POLR2B: variants seen among roughly 807,000 people sequenced by gnomAD.
The protein encoded by POLR2B is RNA polymerase II subunit B, also known as DNA-directed RNA polymerase II subunit RPB2.
In POLR2B, 57 loss-of-function variants were observed where a neutral mutation model predicts 144.6. The observed-to-expected ratio is 0.39, with a 90% CI of 0.32 to 0.49. The LOEUF (loss-of-function observed/expected upper bound fraction) is 0.49. Ranked by LOEUF, POLR2B falls within the 20% of genes least tolerant of loss-of-function variation. The pLI is 0.83. For synonymous variants in POLR2B, 442 were observed against 469.8 expected, an observed-to-expected ratio of 0.94 and a Z score of 0.77; for missense variants, 595 against 1,467.4, an observed-to-expected ratio of 0.41 and a Z score of 9.71.
At chr4:57,012,630 C>A (rs971132865) in intron 13 of POLR2B, among the ~76,000 whole-genome samples, 1 of 151,594 alleles carries the variant, frequency 6.6e-6, no homozygotes, top group African/African-American at 2.4e-5. Flanking sequence ...TTGTTCTGGG[C>A]CTTTTCCAGC....
At chr4:56,998,100 G>C (rs1267611525) in intron 6 of POLR2B, among the ~76,000 whole-genome samples, 9 of 152,196 alleles carry the variant, frequency 5.9e-5, no homozygotes, top group African/African-American at 2.2e-4. Context: ...ACTATGATTT[G>C]TATTCTGAGG....
chr4:56,994,396 A>T lies in POLR2B; in HGVS notation c.244-8A>T, dbSNP rs753344876. On this transcript the variant is annotated splice_polypyrimidine_tract_variant and splice_region_variant and intron_variant, in intron 3 of 24. Coordinates refer to ENST00000314595, the MANE Select transcript of POLR2B (RefSeq NM_000938.3). ...TTACCCTTTTCATGTTTTTTTGTTT[A>T]ATTTCAGCCACGATATTTGCTGAAG... 2.1e-6 allele frequency: 3 copies of T among 1,459,426 alleles called. No homozygotes were observed. Among genetic ancestry groups the T allele is most frequent in the Non-Finnish European group, 1.9e-6 (2 of 1,051,382 alleles). 90.4% of individuals were successfully genotyped at this position (1,459,426 alleles called of 1,614,324 possible).
Position 56,995,347 on chromosome 4 carries a change from C to CGCAGTATCA in POLR2B, c.673_674insGCAGTATCA (p.Leu225delinsArgSerIleIle). 6.3e-7 allele frequency: 1 copy of CGCAGTATCA among 1,583,466 alleles called. No homozygotes were observed. The highest frequency in any genetic ancestry group is 8.6e-7 in the Non-Finnish European group (1 of 1,164,324). ...CTACACAGGAGAGTGTAGATCATGTCTTGAGAATTCTTCCCGACCCACCAG... is the reference window on the plus strand; with the variant it reads ...CTACACAGGAGAGTGTAGATCATGTCGCAGTATCATTGAGAATTCTTCCCGACCCACCAG... On this transcript the variant is annotated protein_altering_variant, in exon 6 of 25. Transcript: ENST00000314595.
chr4:56,994,916 T>C, intron 5 of POLR2B, 50 bp downstream of exon 5: 1 of 1,115,228 alleles, frequency 9.0e-7, no homozygotes, highest in Non-Finnish European at 1.3e-6. Context: ...TAAAATTTAG[T>C]TTAAAGTTGA....
intron 6 of POLR2B, among the ~76,000 whole-genome samples, chr4:56,996,028 C>A (rs1283593185): frequency 6.6e-6 from 1 of 152,112 alleles, no homozygotes; most frequent in Non-Finnish European, 1.5e-5. Context: ...AGGCAGGAAT[C>A]ATTGGGTACC....
intron 1 of POLR2B, among the ~76,000 whole-genome samples, chr4:56,979,261 C>A (rs1401605385): frequency 6.6e-6 from 1 of 152,136 alleles, no homozygotes; most frequent in African/African-American, 2.4e-5. Flanking sequence ...ATCCTCGTTT[C>A]CTGTGGTGAA....
At chr4:57,004,579 C>A (rs1392013301) in intron 7 of POLR2B, among the ~76,000 whole-genome samples, 3 of 152,064 alleles carry the variant, frequency 2.0e-5, no homozygotes, top group Non-Finnish European at 4.4e-5. Flanking sequence ...GGCACATTAA[C>A]CATTTGTAGT....
At chr4:56,987,905 G>A (rs1722381400) in intron 2 of POLR2B, among the ~76,000 whole-genome samples, 1 of 151,280 alleles carries the variant, frequency 6.6e-6, no homozygotes, top group Admixed American at 6.6e-5. Context: ...TGTTGATTCA[G>A]CATGTTGTCC....
chr4:57,026,760 C>T (rs935313818), intron 23 of POLR2B, among the ~76,000 whole-genome samples: 16 of 150,728 alleles, frequency 1.1e-4, no homozygotes, highest in Non-Finnish European at 2.1e-4. Context: ...GACTCTGTCT[C>T]GATAACAAAA....
At chr4:56,994,901 G>T (rs570633791) in intron 5 of POLR2B, 35 bp downstream of exon 5, 22 of 1,096,396 alleles carry the variant, frequency 2.0e-5, no homozygotes, top group South Asian at 6.1e-5. Context: ...TTACAAAATG[G>T]TAGTTAAAAT....
chr4:56,982,524 G>A (rs1425775162), intron 1 of POLR2B, among the ~76,000 whole-genome samples: 1 of 151,630 alleles, frequency 6.6e-6, no homozygotes, highest in Non-Finnish European at 1.5e-5. Context: ...AGTGAGCTGT[G>A]ATCACACCAC....
In POLR2B at chr4:57,023,199, A is replaced by T; in HGVS notation, c.2516-131A>T. 1.3e-6 allele frequency: 1 copy of T among 774,114 alleles called. No homozygotes were observed. 48.0% of individuals were successfully genotyped at this position (774,114 alleles called of 1,614,324 possible). On this transcript the variant is annotated intron_variant, in intron 18 of 24. Coordinates refer to ENST00000314595, the MANE Select transcript of POLR2B (RefSeq NM_000938.3). This position sits in a 1 kb window ranked among gnomAD's most constrained non-coding sequence, Gnocchi z 4.3. The stretch of plus-strand genomic sequence containing the variant: ...ATTAGAGTTCAGAATAGTTTGTAAT[A>T]TTTGGAATAAGGGTGTGATTCATGG...
intron 7 of POLR2B, among the ~76,000 whole-genome samples, chr4:57,004,344 C>G (rs1286722704): frequency 3.2e-5 from 4 of 123,326 alleles, no homozygotes; most frequent in African/African-American, 1.3e-4. Context: ...CCTCCATTCC[C>G]AGCAAATCTT....
At chr4:57,010,306 A>T (rs1470442335) in intron 10 of POLR2B, 55 bp from the exon 11 acceptor site, 1 of 1,513,284 alleles carries the variant, frequency 6.6e-7, no homozygotes, top group Non-Finnish European at 9.1e-7. Context: ...GCCTCAGTGT[A>T]ATAGTATGAA....
chr4:57,005,972 C>G (rs1044330960), intron 9 of POLR2B, among the ~76,000 whole-genome samples: 6 of 152,088 alleles, frequency 3.9e-5, no homozygotes, highest in African/African-American at 1.4e-4. Flanking sequence ...TTTGAGAAAG[C>G]TGAATTATTG....
intron 18 of POLR2B, 24 bp downstream of exon 18, chr4:57,022,270 GAT>G (rs1443404238): frequency 1.4e-6 from 2 of 1,437,154 alleles, no homozygotes; most frequent in Admixed American, 3.5e-5. Context: ...ACATTTAAAT[GAT>G]GGAATCCAAA....
At chr4:56,985,476 C>T (rs1015802538) in intron 1 of POLR2B, 1 of 984,986 alleles carries the variant, frequency 1.0e-6, no homozygotes, top group Non-Finnish European at 1.2e-6. Flanking sequence ...GAGGCGGGCC[C>T]TGCAACCTCT....
At chr4:57,029,086 G>A (rs1335833442) in intron 23 of POLR2B, among the ~76,000 whole-genome samples, 3 of 151,952 alleles carry the variant, frequency 2.0e-5, no homozygotes, top group Non-Finnish European at 4.4e-5. Flanking sequence ...TTGTTTGTTT[G>A]TTTTTTGTTT....
rs1056266381 is a variant in POLR2B at position 57,017,358 on chromosome 4, C to G, written c.2154+117C>G. The G allele has an allele frequency of 1.2e-6, 1 of 813,684 alleles. No homozygotes were observed. The highest frequency in any genetic ancestry group is 2.0e-6 in the Non-Finnish European group (1 of 499,164). The allele number at this position is 813,684 out of a possible 1,614,324, so 50.4% of individuals were successfully genotyped here. A position where few individuals can be genotyped will look rare whatever the true frequency, so the allele number is the denominator to read the frequency against. On this transcript the variant is annotated intron_variant, in intron 15 of 24. Coordinates refer to ENST00000314595, the MANE Select transcript of POLR2B (RefSeq NM_000938.3). The surrounding 1 kb of genome is among the most constrained non-coding windows in gnomAD (Gnocchi z 4.8). ...CCTTTTAATGAAAAGGCTATTAACT[C>G]CTACGGAATCAGTATTTGATATAAT...
Sources: allele counts gnomAD v4.1 joint callset (sites outside exome capture counted in the v4.1 genomes callset), GRCh38; gene constraint gnomAD v4.1.1; non-coding constraint Gnocchi (gnomAD v3.1); transcripts MANE v1.5; gene names NCBI Gene and HGNC (gene_info 2026-07-23, HGNC 2026-07-21).